ABLIM3: variants seen among roughly 807,000 people sequenced by gnomAD.
The protein encoded by ABLIM3 is actin binding LIM protein family member 3.
In ABLIM3, 61 loss-of-function variants were observed where a neutral mutation model predicts 109.5. The ratio of observed to expected loss-of-function variants is 0.56; its 90% CI spans 0.45 to 0.69. ABLIM3 has a LOEUF of 0.69. Ranked by LOEUF, ABLIM3 falls within the 30% of genes least tolerant of loss-of-function variation. ABLIM3 has a pLI of 0.00. For missense variants in ABLIM3, 796 were observed against 889.5 expected, an observed-to-expected ratio of 0.89 and a Z score of 1.34; for synonymous variants, 300 against 324.8, an observed-to-expected ratio of 0.92 and a Z score of 0.82.
chr5:149,217,161 G>C, intron 8 of ABLIM3, 115 bp downstream of exon 8: 1 of 1,052,264 alleles, frequency 9.5e-7, no homozygotes, highest in Non-Finnish European at 1.4e-6. Flanking sequence ...CTTGGCTTTT[G>C]CCTTGTCCTC....
intron 16 of ABLIM3, among the ~76,000 whole-genome samples, chr5:149,246,197 G>A (rs931456144): frequency 9.2e-5 from 14 of 152,030 alleles, no homozygotes; most frequent in Admixed American, 2.0e-4. Context: ...TGACTCGTTC[G>A]CTACTCTCAA....
intron 3 of ABLIM3, 103 bp downstream of exon 3, chr5:149,183,692 T>C: frequency 2.3e-6 from 3 of 1,320,392 alleles, no homozygotes. Flanking sequence ...GTGGCTGGAA[T>C]ATCTATAAAG....
intron 8 of ABLIM3, among the ~76,000 whole-genome samples, chr5:149,227,108 A>G (rs2127540962): frequency 6.6e-6 from 1 of 151,224 alleles, no homozygotes; most frequent in Non-Finnish European, 1.5e-5. Context: ...GGCAAATTTA[A>G]CATCAGGGTG....
At chr5:149,252,427 G>C in intron 22 of ABLIM3, 1 of 568,118 alleles carries the variant, frequency 1.8e-6, no homozygotes, top group Non-Finnish European at 3.1e-6. Context: ...ACTCTCCCTG[G>C]GCTTCAGAGA....
Position 149,216,856 on chromosome 5 carries a change from A to G in ABLIM3, c.670-103A>G, listed in dbSNP as rs1328310510. ...TCCAACCAACTTTAGGGCCATGAAG[A>G]TGCAAACAACACTAATGTACCCAGG... On this transcript the variant is annotated intron_variant, in intron 7 of 23. Transcript: ENST00000309868. 7.8e-6 allele frequency: 8 copies of G among 1,027,446 alleles called. No individual in the cohort carries two copies. The Admixed American group carries it at 1.4e-4, about 18-fold the overall frequency. 63.6% of individuals were successfully genotyped at this position (1,027,446 alleles called of 1,614,324 possible). A position where few individuals can be genotyped will look rare whatever the true frequency, so the allele number is the denominator to read the frequency against.
intron 8 of ABLIM3, among the ~76,000 whole-genome samples, chr5:149,230,342 C>T (rs1281748740): frequency 6.6e-6 from 1 of 152,102 alleles, no homozygotes; most frequent in Admixed American, 6.5e-5. Flanking sequence ...TGGAAAGAGA[C>T]ACAAAGAACT....
chr5:149,170,639 A>G (rs1755326337), intron 2 of ABLIM3, among the ~76,000 whole-genome samples: 1 of 152,220 alleles, frequency 6.6e-6, no homozygotes, highest in Admixed American at 6.5e-5. Context: ...TTTGCAGGGC[A>G]TTATACATGG....
At chr5:149,176,742 G>A (rs1339009232) in intron 2 of ABLIM3, among the ~76,000 whole-genome samples, 18 of 152,080 alleles carry the variant, frequency 1.2e-4, no homozygotes, top group Admixed American at 1.0e-3. Flanking sequence ...TGCATTAACT[G>A]CTCCTATTAC....
intron 23 of ABLIM3, among the ~76,000 whole-genome samples, chr5:149,255,462 G>C (rs1217339230): frequency 1.3e-5 from 2 of 152,198 alleles, no homozygotes; most frequent in Non-Finnish European, 2.9e-5. Context: ...ATGACACCAT[G>C]TGTTAGAAGG....
intron 2 of ABLIM3, among the ~76,000 whole-genome samples, chr5:149,143,639 T>A (rs1752682115): frequency 1.3e-5 from 2 of 152,136 alleles, no homozygotes; most frequent in African/African-American, 2.4e-5. Context: ...TTCCTTTGTG[T>A]ATTGCATATC....
chr5:149,156,323 C>G (rs1373821780), intron 2 of ABLIM3, among the ~76,000 whole-genome samples: 4 of 152,172 alleles, frequency 2.6e-5, no homozygotes, highest in Non-Finnish European at 4.4e-5. Context: ...TACCAGACCC[C>G]CAAACGTCAG....
intron 10 of ABLIM3, among the ~76,000 whole-genome samples, chr5:149,235,916 A>G (rs2400826): frequency 0.48 from 73,048 of 152,062 alleles, 17,981 homozygotes; most frequent in East Asian, 0.62. Flanking sequence ...TTGTTACCAC[A>G]CTGGACCTAA....
chr5:149,222,661 C>CTTTTTTT (rs552243427), intron 8 of ABLIM3, among the ~76,000 whole-genome samples: 2 of 124,420 alleles, frequency 1.6e-5, no homozygotes, highest in African/African-American at 3.1e-5. Flanking sequence ...TTTCAGATTA[C>CTTTTTTT]TTTTTTTTTT....
intron 11 of ABLIM3, 127 bp downstream of exon 11, chr5:149,237,730 A>T: frequency 2.5e-6 from 3 of 1,211,276 alleles, no homozygotes; most frequent in East Asian, 5.0e-5. Flanking sequence ...CTACACTGGG[A>T]TTTATGGCCA....
chr5:149,231,899 T>A (rs1761903071), intron 9 of ABLIM3, among the ~76,000 whole-genome samples: 1 of 152,214 alleles, frequency 6.6e-6, no homozygotes, highest in Non-Finnish European at 1.5e-5. Context: ...CCAGTAATAC[T>A]TGCTATAAAT....
chr5:149,171,602 A>C (rs9325134), intron 2 of ABLIM3, among the ~76,000 whole-genome samples: 20 of 152,110 alleles, frequency 1.3e-4, no homozygotes, highest in African/African-American at 4.6e-4. Context: ...ATGCCTGGTA[A>C]AACATGGAAA....
At chr5:149,217,163 C>T in intron 8 of ABLIM3, 117 bp downstream of exon 8, 1 of 1,033,294 alleles carries the variant, frequency 9.7e-7, no homozygotes, top group Non-Finnish European at 1.4e-6. Context: ...TGGCTTTTGC[C>T]TTGTCCTCAG....
intron 23 of ABLIM3, among the ~76,000 whole-genome samples, 200 bp downstream of exon 23, chr5:149,253,037 C>T (rs3733842): frequency 0.038 from 5,776 of 152,134 alleles, 355 homozygotes; most frequent in African/African-American, 0.12. Flanking sequence ...TGCTGTTCCC[C>T]CAAAACTGCC....
rs1206908982 is a variant in ABLIM3 at position 149,204,784 on chromosome 5, A to G, written c.449-2224A>G. Among the ~76,000 whole-genome samples the G allele has an allele frequency of 1.3e-5, 2 of 152,226 alleles. 1 individual carries two copies. The highest frequency in any genetic ancestry group is 1.3e-4 in the Admixed American group (2 of 15,280). ...TTAGAGAGCATACAACTCATAAGAA[A>G]AGGAGCTGGGATTCTCTCCTGGGCC... On this transcript the variant is annotated intron_variant, in intron 5 of 23. Transcript: ENST00000309868.
Sources: allele counts gnomAD v4.1 joint callset (sites outside exome capture counted in the v4.1 genomes callset), GRCh38; gene constraint gnomAD v4.1.1; transcripts MANE v1.5; gene names NCBI Gene and HGNC (gene_info 2026-07-23, HGNC 2026-07-21).